Variants in VASH2 observed in about 807,000 individuals in gnomAD.
VASH2 encodes the protein tubulinyl-Tyr carboxypeptidase 2.
VASH2 carries 28 observed loss-of-function variants against 37.2 expected under a neutral mutation model. The observed-to-expected ratio is 0.75, with a 90% CI of 0.56 to 1.03. The LOEUF (loss-of-function observed/expected upper bound fraction) is 1.03. Among genes scored for constraint, VASH2 ranks in the 50% least tolerant of loss-of-function variants. The pLI is 0.00. For synonymous variants in VASH2, 188 were observed against 174.7 expected, an observed-to-expected ratio of 1.08 and a Z score of -0.60; for missense variants, 419 against 459.1, an observed-to-expected ratio of 0.91 and a Z score of 0.80.
At chr1:212,973,758 C>T in intron 6 of VASH2, 197 bp from the exon 7 acceptor site, 1 of 1,367,790 alleles carries the variant, frequency 7.3e-7, no homozygotes, top group Non-Finnish European at 9.5e-7. Flanking sequence ...GGAAGTGGTG[C>T]CCTTGCTGCT....
chr1:212,986,182 A>G (rs1025043342), intron 7 of VASH2, among the ~76,000 whole-genome samples: 5 of 152,224 alleles, frequency 3.3e-5, no homozygotes, highest in Non-Finnish European at 7.3e-5. Context: ...AATGACCTGC[A>G]TTTAATCTTT....
intron 7 of VASH2, among the ~76,000 whole-genome samples, chr1:212,986,913 ATAAG>A (rs1445283311): frequency 6.6e-6 from 1 of 152,242 alleles, no homozygotes; most frequent in African/African-American, 2.4e-5. Flanking sequence ...CATGCAACAG[ATAAG>A]TAAGGTTACA....
chr1:212,979,761 G>T (rs1348637862), intron 7 of VASH2, among the ~76,000 whole-genome samples: 1 of 152,110 alleles, frequency 6.6e-6, no homozygotes, highest in Non-Finnish European at 1.5e-5. Context: ...CCACCCACGG[G>T]TCCTTTCTCA....
chr1:212,969,892 T>C (rs1485109961), intron 5 of VASH2, among the ~76,000 whole-genome samples: 1 of 152,234 alleles, frequency 6.6e-6, no homozygotes, highest in Non-Finnish European at 1.5e-5. Flanking sequence ...CTTCTCTTTT[T>C]TTGACTTTGG....
chr1:212,967,252 C>A lies in VASH2; in HGVS notation c.497+907C>A, dbSNP rs188732358. ...TCGACATATTGGTGGTGATGACCAC[C>A]TCCCTTACACAATAGTCTCATCCCT... On this transcript the variant is annotated intron_variant, in intron 5 of 7. Coordinates refer to ENST00000517399, the MANE Select transcript of VASH2 (RefSeq NM_001301056.2). 2.2e-5 allele frequency: 28 copies of A among 1,293,858 alleles called. No individual in the cohort carries two copies. In the African/African-American group the frequency reaches 3.6e-4, roughly 17 times the overall value. 80.1% of individuals were successfully genotyped at this position (1,293,858 alleles called of 1,614,324 possible). A position where few individuals can be genotyped will look rare whatever the true frequency, so the allele number is the denominator to read the frequency against.
At chr1:212,985,439 A>T (rs1430085452) in intron 7 of VASH2, among the ~76,000 whole-genome samples, 3 of 139,542 alleles carry the variant, frequency 2.1e-5, no homozygotes, top group African/African-American at 5.4e-5. Flanking sequence ...TTTTTTTCTG[A>T]GACAGAATCT....
At chr1:212,966,739 G>GCTAGC (rs1666861383) in intron 5 of VASH2, among the ~76,000 whole-genome samples, 2 of 152,180 alleles carry the variant, frequency 1.3e-5, no homozygotes, top group South Asian at 4.1e-4. Flanking sequence ...AGCCAAGAGT[G>GCTAGC]CTAGTATCCA....
chr1:212,983,299 A>G (rs1667387867), intron 7 of VASH2, among the ~76,000 whole-genome samples: 1 of 152,204 alleles, frequency 6.6e-6, no homozygotes, highest in Non-Finnish European at 1.5e-5. Flanking sequence ...AATGAACAGG[A>G]AATGTATTGG....
At chr1:212,961,060 C>T in intron 2 of VASH2, 106 bp from the exon 3 acceptor site, 5 of 1,104,804 alleles carry the variant, frequency 4.5e-6, no homozygotes, top group Non-Finnish European at 6.8e-6. Context: ...CATCGGCTCT[C>T]AGGAGCACCT....
intron 2 of VASH2, among the ~76,000 whole-genome samples, chr1:212,954,584 C>T (rs1459063215): frequency 2.6e-5 from 4 of 152,110 alleles, no homozygotes; most frequent in Non-Finnish European, 5.9e-5. Context: ...CCATGCCCAG[C>T]TATTTTTTGT....
intron 5 of VASH2, among the ~76,000 whole-genome samples, chr1:212,970,074 T>C (rs55777929): frequency 0.056 from 8,475 of 152,246 alleles, 613 homozygotes; most frequent in African/African-American, 0.16. Flanking sequence ...TTGCTTGTGG[T>C]ACTAAAGCAC....
In VASH2 at chr1:212,972,851, C is replaced by G; in HGVS notation, c.769C>G (p.His257Asp). The G allele has an allele frequency of 6.2e-7, 1 of 1,614,160 alleles. No homozygotes were observed. Among genetic ancestry groups the G allele is most frequent in the African/African-American group, 1.3e-5 (1 of 75,054 alleles). ...TGGGCTGTACGTCCCCCATGAGCCT[C>G]ATAGCTTCCAGCCCATTGAGTGGAA... ...KIGLYVPHEP[H>D]SFQPIEWKQL... The change falls in exon 6 of 8, where the codon CAT becomes GAT. Residue 257 changes from histidine (H) to aspartate (D), a missense_variant. Physicochemically the swap from His to Asp is moderately conservative, Grantham distance 81. Coordinates refer to ENST00000517399, the MANE Select transcript of VASH2 (RefSeq NM_001301056.2).
chr1:212,958,092 G>C (rs961908139), intron 2 of VASH2, among the ~76,000 whole-genome samples: 4 of 152,340 alleles, frequency 2.6e-5, no homozygotes, highest in African/African-American at 9.6e-5. Flanking sequence ...AGGTGGCAGA[G>C]CAGGGCTTTG....
At chr1:212,977,900 T>C (rs1321212982) in intron 7 of VASH2, among the ~76,000 whole-genome samples, 1 of 152,200 alleles carries the variant, frequency 6.6e-6, no homozygotes. Context: ...GCCGCAGGCC[T>C]CCACCTGTGT....
At chr1:212,970,677 G>C (rs1666984870) in intron 5 of VASH2, among the ~76,000 whole-genome samples, 1 of 152,100 alleles carries the variant, frequency 6.6e-6, no homozygotes, top group African/African-American at 2.4e-5. Context: ...ATTACCTGAG[G>C]TCAGGAGTTC....
intron 7 of VASH2, among the ~76,000 whole-genome samples, chr1:212,977,064 G>C (rs1011067855): frequency 1.3e-5 from 2 of 152,118 alleles, no homozygotes; most frequent in Admixed American, 6.6e-5. Context: ...GGAAAGTAGT[G>C]GGGGAAGGAG....
intron 3 of VASH2, among the ~76,000 whole-genome samples, chr1:212,964,354 C>G (rs549586055): frequency 5.9e-5 from 9 of 152,364 alleles, no homozygotes; most frequent in African/African-American, 2.2e-4. Flanking sequence ...CACCCATTGA[C>G]TCTCCCATCC....
intron 6 of VASH2, chr1:212,973,683 T>G: frequency 7.9e-7 from 1 of 1,262,758 alleles, no homozygotes; most frequent in Non-Finnish European, 1.0e-6. Flanking sequence ...GACTGAGGCA[T>G]TGGGCTGTGT....
intron 4 of VASH2, 33 bp downstream of exon 4, chr1:212,965,811 C>A: frequency 2.6e-6 from 4 of 1,538,344 alleles, no homozygotes; most frequent in Non-Finnish European, 3.5e-6. Flanking sequence ...GCCAGATGAC[C>A]TCTCTCCTAC....
Sources: gnomAD v4.1 joint callset for allele counts (sites outside exome capture counted in the v4.1 genomes callset) on GRCh38, gnomAD v4.1.1 for gene constraint, MANE v1.5 for transcripts, NCBI Gene and HGNC (gene_info 2026-07-23, HGNC 2026-07-21) for gene names.